PAWR: variants seen among roughly 807,000 people sequenced by gnomAD.
PAWR encodes pro-apoptotic WT1 regulator.
PAWR carries 23 observed loss-of-function variants against 32.0 expected under a neutral mutation model. That is an observed-to-expected ratio of 0.72 (90% confidence interval 0.52 to 1.02). The LOEUF (loss-of-function observed/expected upper bound fraction) is 1.02, where lower values mean the gene tolerates loss of function less well. PAWR is among the 50% of genes least tolerant of loss of function. The pLI is 0.00. For missense variants in PAWR, 457 were observed against 437.7 expected (o/e 1.04, Z -0.39); for synonymous variants, 226 against 187.1 (o/e 1.21, Z -1.70).
At chr12:79,628,139 C>A (rs561614446) in intron 2 of PAWR, among the ~76,000 whole-genome samples, 1 of 152,264 alleles carries the variant, frequency 6.6e-6, no homozygotes, top group South Asian at 2.1e-4. Context: ...AACTAGAACT[C>A]AGGATTAAGA....
At chr12:79,624,879 A>C (rs187695418) in intron 2 of PAWR, among the ~76,000 whole-genome samples, 21 of 152,330 alleles carry the variant, frequency 1.4e-4, no homozygotes, top group Non-Finnish European at 2.9e-4. Context: ...AAAATGTGTT[A>C]GAAAGGCTTA....
Position 79,596,573 on chromosome 12 carries a change from T to G in PAWR, c.769A>C (p.Asn257His). The G allele has an allele frequency of 6.3e-7, 1 of 1,598,804 alleles. No individual in the cohort carries two copies. The highest frequency in any genetic ancestry group is 8.6e-7 in the Non-Finnish European group (1 of 1,167,834). Residue 257 changes from asparagine to histidine, a missense_variant, in exon 5 of 7, where the codon AAT becomes CAT. Transcript: ENST00000328827. ...SGFPRYNRDANVSGTLVSSST... is the reference protein window; with the variant it reads ...SGFPRYNRDAHVSGTLVSSST... ...CTTGAAACCAGAGTACCTGAAACAT[T>G]TGCATCCCTGTTATATCTAGGGAAC...
At chr12:79,675,753 G>A (rs1350193013) in intron 2 of PAWR, among the ~76,000 whole-genome samples, 2 of 152,110 alleles carry the variant, frequency 1.3e-5, no homozygotes, top group Non-Finnish European at 2.9e-5. Context: ...GGTGGGAGAA[G>A]GGTAAGGATA....
At chr12:79,646,038 T>G (rs918737063) in intron 2 of PAWR, among the ~76,000 whole-genome samples, 4 of 152,226 alleles carry the variant, frequency 2.6e-5, no homozygotes, top group African/African-American at 9.6e-5. Flanking sequence ...CTCCCTTATC[T>G]GAAATACTTG....
intron 2 of PAWR, among the ~76,000 whole-genome samples, chr12:79,629,337 G>C (rs1875494296): frequency 1.3e-5 from 2 of 152,052 alleles, no homozygotes; most frequent in Non-Finnish European, 2.9e-5. Context: ...AATGTAAGCT[G>C]AAACAGTCTT....
chr12:79,686,164 C>T (rs2136895183), intron 2 of PAWR, among the ~76,000 whole-genome samples: 1 of 152,280 alleles, frequency 6.6e-6, no homozygotes, highest in South Asian at 2.1e-4. Context: ...GCCACCTCTA[C>T]CTATTCAAAG....
intron 4 of PAWR, among the ~76,000 whole-genome samples, chr12:79,608,246 C>A (rs1016132040): frequency 6.6e-6 from 1 of 152,134 alleles, no homozygotes; most frequent in Non-Finnish European, 1.5e-5. Flanking sequence ...TGGCCATCCC[C>A]AACCTTTTTG....
intron 2 of PAWR, among the ~76,000 whole-genome samples, chr12:79,662,263 G>A (rs1877390512): frequency 6.6e-6 from 1 of 150,516 alleles, no homozygotes; most frequent in Non-Finnish European, 1.5e-5. Context: ...TTCAGGACAG[G>A]AAACAGTAAT....
rs1272789441 is a variant in PAWR, at chr12:79,588,105, A to G, written c.*4502T>C. On this transcript the variant is annotated 3_prime_UTR_variant, in exon 7 of 7. Transcript: ENST00000328827. ...ATAGCATAGCCAAATCTTCCAAGAA[A>G]TAAGTTCACCAAAAAAGTAGCATAC... 6.6e-6 allele frequency: 1 copy of G among 152,004 alleles called. No individual in the cohort carries two copies. The highest frequency in any genetic ancestry group is 1.5e-5 in the Non-Finnish European group (1 of 67,862). The allele number at this position is 152,004 out of a possible 1,614,324, so 9.4% of individuals were successfully genotyped here. A position where few individuals can be genotyped will look rare whatever the true frequency, so the allele number is the denominator to read the frequency against.
chr12:79,587,057 G>A lies in PAWR; in HGVS notation c.*5550C>T, dbSNP rs571152818. ...GCTGCTGATAGAATTGTGTGCACGC[G>A]TGCATGCATGCATAAACACAAAGTG... On this transcript the variant is annotated 3_prime_UTR_variant, in exon 7 of 7. Coordinates refer to ENST00000328827, the MANE Select transcript of PAWR (RefSeq NM_002583.4). 8.5e-5 allele frequency: 13 copies of A among 152,140 alleles called. No individual in the cohort carries two copies. The highest frequency in any genetic ancestry group is 3.9e-4 in the East Asian group (2 of 5,180). 9.4% of individuals were successfully genotyped at this position (152,140 alleles called of 1,614,324 possible). A position where few individuals can be genotyped will look rare whatever the true frequency, so the allele number is the denominator to read the frequency against.
chr12:79,642,034 C>G (rs550852795), intron 2 of PAWR, among the ~76,000 whole-genome samples: 2 of 151,656 alleles, frequency 1.3e-5, no homozygotes, highest in South Asian at 4.2e-4. Context: ...TGAAAACATA[C>G]CATTATTTTA....
intron 6 of PAWR, among the ~76,000 whole-genome samples, chr12:79,593,218 G>A (rs541953171): frequency 1.6e-4 from 24 of 152,234 alleles, no homozygotes; most frequent in Middle Eastern, 3.4e-3. Context: ...TGAGGCCTAC[G>A]GAAAAGGGGA....
chr12:79,604,458 T>C, intron 4 of PAWR: 1 of 1,075,350 alleles, frequency 9.3e-7, no homozygotes, highest in Non-Finnish European at 1.1e-6. Flanking sequence ...ATTAAGAGAT[T>C]ATAGCTAGAG....
At chr12:79,633,116 C>A (rs1383812486) in intron 2 of PAWR, among the ~76,000 whole-genome samples, 1 of 151,988 alleles carries the variant, frequency 6.6e-6, no homozygotes, top group African/African-American at 2.4e-5. Context: ...AAGAGAGAGA[C>A]TCTGTCTCAA....
chr12:79,649,345 T>C (rs768496450), intron 2 of PAWR, among the ~76,000 whole-genome samples: 1 of 152,148 alleles, frequency 6.6e-6, no homozygotes, highest in Non-Finnish European at 1.5e-5. Context: ...GTTAAGGACA[T>C]TTATGATATA....
intron 2 of PAWR, among the ~76,000 whole-genome samples, chr12:79,683,109 T>C (rs950603855): frequency 6.6e-6 from 1 of 152,182 alleles, no homozygotes; most frequent in Non-Finnish European, 1.5e-5. Context: ...AGACAGAGCA[T>C]TTTGCACTAA....
intron 4 of PAWR, among the ~76,000 whole-genome samples, chr12:79,603,147 T>G (rs563464641): frequency 3.2e-4 from 49 of 151,958 alleles, no homozygotes; most frequent in Non-Finnish European, 6.2e-4. Context: ...ACTTGGGACT[T>G]GGGAGGCTGT....
intron 5 of PAWR, among the ~76,000 whole-genome samples, chr12:79,595,012 C>T (rs917698554): frequency 3.3e-5 from 5 of 152,110 alleles, no homozygotes; most frequent in Non-Finnish European, 5.9e-5. Context: ...CCACTGTGCC[C>T]GGCCTGTGAT....
intron 2 of PAWR, among the ~76,000 whole-genome samples, chr12:79,634,744 T>C (rs958311483): frequency 6.6e-6 from 1 of 151,968 alleles, no homozygotes; most frequent in Non-Finnish European, 1.5e-5. Context: ...AGTCACTTTG[T>C]AGAACACAGA....
Sources: allele counts gnomAD v4.1 joint callset (sites outside exome capture counted in the v4.1 genomes callset), GRCh38; gene constraint gnomAD v4.1.1; transcripts MANE v1.5; gene names NCBI Gene and HGNC (gene_info 2026-07-23, HGNC 2026-07-21).